Variants in TTBK2 observed in about 807,000 individuals in gnomAD.
TTBK2 encodes the protein tau tubulin kinase 2.
Under a neutral mutation model 110.8 loss-of-function variants are expected in TTBK2, and 28 were observed. The observed-to-expected ratio is 0.25, with a 90% confidence interval of 0.19 to 0.35. The LOEUF (loss-of-function observed/expected upper bound fraction) is 0.35. Ranked by LOEUF, TTBK2 falls within the 10% of genes least tolerant of loss-of-function variation. TTBK2 has a pLI of 1.00. For synonymous variants in TTBK2, 532 were observed against 527.3 expected (o/e 1.01, Z -0.12); for missense variants, 1,369 against 1,500.3 (o/e 0.91, Z 1.45).
intron 13 of TTBK2, among the ~76,000 whole-genome samples, chr15:42,759,812 C>T (rs1464721419): frequency 6.6e-6 from 1 of 152,078 alleles, no homozygotes; most frequent in Non-Finnish European, 1.5e-5. Context: ...ACTGTTCTAC[C>T]AGATGCATAG....
At chr15:42,826,829 G>A (rs889292508) in intron 6 of TTBK2, among the ~76,000 whole-genome samples, 1 of 152,090 alleles carries the variant, frequency 6.6e-6, no homozygotes, top group African/African-American at 2.4e-5. Flanking sequence ...AAACCTAAAA[G>A]CCCTATCAAA....
intron 1 of TTBK2, among the ~76,000 whole-genome samples, chr15:42,905,453 TG>T (rs1288762318): frequency 6.6e-6 from 1 of 151,368 alleles, no homozygotes; most frequent in Non-Finnish European, 1.5e-5. Flanking sequence ...ATACAGGTTT[TG>T]CCATATTGCC....
intron 1 of TTBK2, among the ~76,000 whole-genome samples, chr15:42,896,349 T>C (rs1452420700): frequency 1.3e-5 from 2 of 151,938 alleles, no homozygotes; most frequent in Admixed American, 6.6e-5. Context: ...ATAATAGTAA[T>C]AATAATAATA....
At chr15:42,831,232 T>G (rs1276619714) in intron 4 of TTBK2, among the ~76,000 whole-genome samples, 2 of 152,000 alleles carry the variant, frequency 1.3e-5, no homozygotes, top group Non-Finnish European at 2.9e-5. Context: ...AAAGTTTTTT[T>G]GTGTGTTTTT....
At chr15:42,763,161 T>TATACATACATATATATATATAC (rs1411738177) in intron 13 of TTBK2, among the ~76,000 whole-genome samples, 2 of 10,126 alleles carry the variant, frequency 2.0e-4, no homozygotes, top group African/African-American at 9.3e-4. Flanking sequence ...TATATACATA[T>TATACATACATATATATATATAC]ATATATATAT....
intron 1 of TTBK2, among the ~76,000 whole-genome samples, chr15:42,890,707 G>T (rs966215091): frequency 6.6e-6 from 1 of 152,154 alleles, no homozygotes; most frequent in Non-Finnish European, 1.5e-5. Context: ...TTATGCTAAT[G>T]AAGTGACTCC....
chr15:42,888,718 T>C (rs1228929129), intron 1 of TTBK2, among the ~76,000 whole-genome samples: 2 of 152,202 alleles, frequency 1.3e-5, no homozygotes, highest in Non-Finnish European at 2.9e-5. Context: ...CCATCATTGA[T>C]GTCTCTTTAA....
chr15:42,889,157 A>G (rs1479107453), intron 1 of TTBK2, among the ~76,000 whole-genome samples: 1 of 152,006 alleles, frequency 6.6e-6, no homozygotes, highest in Non-Finnish European at 1.5e-5. Context: ...CTGCTATTCT[A>G]CTACTCCTCA....
intron 13 of TTBK2, among the ~76,000 whole-genome samples, chr15:42,754,437 C>T (rs756576027): frequency 2.6e-5 from 4 of 151,362 alleles, no homozygotes; most frequent in Non-Finnish European, 5.9e-5. Flanking sequence ...GCTCTGTCGC[C>T]CAGGCTGGAG....
intron 9 of TTBK2, chr15:42,800,282 A>C (rs1243511066): frequency 2.3e-6 from 1 of 438,936 alleles, no homozygotes; most frequent in South Asian, 1.7e-5. Context: ...CTATATACCT[A>C]TATGCAGCCT....
intron 13 of TTBK2, among the ~76,000 whole-genome samples, chr15:42,770,699 T>A (rs1344259525): frequency 6.6e-6 from 1 of 152,214 alleles, no homozygotes; most frequent in Non-Finnish European, 1.5e-5. Context: ...ACAGAGGACA[T>A]TTGGCCAATC....
At chr15:42,867,272 A>G (rs1894415461) in intron 3 of TTBK2, among the ~76,000 whole-genome samples, 1 of 151,656 alleles carries the variant, frequency 6.6e-6, no homozygotes, top group African/African-American at 2.4e-5. Context: ...AAAAGAAAAG[A>G]AAAGAAAGAT....
At chr15:42,761,572 A>G (rs1175442555) in intron 13 of TTBK2, among the ~76,000 whole-genome samples, 10 of 150,640 alleles carry the variant, frequency 6.6e-5, no homozygotes, top group African/African-American at 2.4e-4. Flanking sequence ...AAACTCAAAC[A>G]TCTCAACAGC....
rs370165689 is a variant in TTBK2 at position 42,796,233 on chromosome 15, A to C, written c.823-1432T>G. Among the ~76,000 whole-genome samples the C allele has an allele frequency of 1.1e-4, 17 of 152,166 alleles. No individual in the cohort carries two copies. The East Asian group carries it at 2.5e-3, about 22-fold the overall frequency. On this transcript the variant is annotated intron_variant, in intron 9 of 14. Coordinates refer to ENST00000267890, the MANE Select transcript of TTBK2 (RefSeq NM_173500.4). Reference sequence around the variant, plus strand: ...AGCCTGGCCAACATGGTGAAACTCTATCTCTACTAAAAATACAAAAATAAG... The same window carrying C: ...AGCCTGGCCAACATGGTGAAACTCTCTCTCTACTAAAAATACAAAAATAAG...
At chr15:42,913,356 G>T (rs2030894412) in intron 1 of TTBK2, among the ~76,000 whole-genome samples, 1 of 151,756 alleles carries the variant, frequency 6.6e-6, no homozygotes, top group Non-Finnish European at 1.5e-5. Context: ...TCTATTGAGA[G>T]AGGCTGGGCG....
In TTBK2 at chr15:42,752,039, A is replaced by C. The variant is rs978575506; in HGVS notation, c.3207T>G (p.Thr1069=). The stretch of plus-strand genomic sequence containing the variant: ...GTGGCCGAGGAAAGAACTGAGACGA[A>C]GTTGAGCTATTGACCTGATCTGTGT... ...WVNTDQVNSS[T]SSQFFPRPPP... is the part of the protein sequence containing the mutation. The change falls in exon 14 of 15, where the codon ACT becomes ACG. Residue 1069 remains threonine (T), a synonymous_variant. Transcript: ENST00000267890. 2 of 1,614,192 alleles carry C rather than the reference A, an allele frequency of 1.2e-6. 1 individual carries two copies. Among genetic ancestry groups the C allele is most frequent in the Middle Eastern group, 3.3e-4 (2 of 6,062 alleles).
At chr15:42,862,586 C>A (rs1257849947) in intron 3 of TTBK2, among the ~76,000 whole-genome samples, 3 of 152,082 alleles carry the variant, frequency 2.0e-5, no homozygotes, top group Non-Finnish European at 1.5e-5. Flanking sequence ...AAGAACATAT[C>A]TCAAAATAAT....
chr15:42,898,701 T>C (rs1244755945), intron 1 of TTBK2, among the ~76,000 whole-genome samples: 2 of 152,134 alleles, frequency 1.3e-5, no homozygotes, highest in East Asian at 3.8e-4. Context: ...GTAGTAGGAA[T>C]GAGATGGGCA....
chr15:42,883,966 G>A (rs1470864956), intron 1 of TTBK2, among the ~76,000 whole-genome samples: 1 of 151,996 alleles, frequency 6.6e-6, no homozygotes, highest in East Asian at 1.9e-4. Flanking sequence ...AAGAAAAGCT[G>A]GAGTATCTAT....
Sources: allele counts gnomAD v4.1 joint callset (sites outside exome capture counted in the v4.1 genomes callset), GRCh38; gene constraint gnomAD v4.1.1; transcripts MANE v1.5; gene names NCBI Gene and HGNC (gene_info 2026-07-23, HGNC 2026-07-21).